DOCK1: variants seen among roughly 807,000 people sequenced by gnomAD.
DOCK1 encodes dedicator of cytokinesis 1.
A neutral mutation model predicts 262.7 loss-of-function variants in DOCK1; 138 were observed. That is an observed-to-expected ratio of 0.53 (90% CI 0.46 to 0.61). The LOEUF is 0.61. Among genes scored for constraint, DOCK1 ranks in the 20% least tolerant of loss-of-function variants. The pLI is 0.00. For synonymous variants in DOCK1, 866 were observed against 867.4 expected (o/e 1.00, Z 0.03); for missense variants, 1,908 against 2,370.7 (o/e 0.80, Z 4.05).
chr10:127,086,425 A>G (rs1291078189), intron 23 of DOCK1, among the ~76,000 whole-genome samples: 1 of 152,212 alleles, frequency 6.6e-6, no homozygotes, highest in African/African-American at 2.4e-5. Context: ...GCATGATTTT[A>G]GAAGTTACCT....
chr10:126,944,407 C>T lies in DOCK1; in HGVS notation c.47-26295C>T, dbSNP rs1480438018. Among the ~76,000 whole-genome samples the T allele has an allele frequency of 1.9e-4, 29 of 152,070 alleles. No individual in the cohort carries two copies. In the Middle Eastern group the frequency reaches 0.01, roughly 54 times the overall value. On this transcript the variant is annotated intron_variant, in intron 1 of 51. Coordinates refer to ENST00000623213, the MANE Select transcript of DOCK1 (RefSeq NM_001290223.2). ...ATGTGTGGTCTCTGAACCTTGCAAG[C>T]GGACCTGCCGAGGCAGCTGTTGGGT...
At chr10:127,036,990 A>AAAAAAAAG (rs2043673188) in intron 18 of DOCK1, among the ~76,000 whole-genome samples, 1 of 150,588 alleles carries the variant, frequency 6.6e-6, no homozygotes, top group African/African-American at 2.4e-5. Context: ...GGAAAAAAAA[A>AAAAAAAAG]AAAAAAAGAA....
At chr10:126,997,013 T>C in intron 7 of DOCK1, 130 bp downstream of exon 7, 2 of 1,083,706 alleles carry the variant, frequency 1.8e-6, no homozygotes, top group Non-Finnish European at 2.5e-6. Context: ...AGAGTTTGTG[T>C]CCTACAGTCA....
At chr10:127,011,129 T>C (rs1263415436) in intron 11 of DOCK1, among the ~76,000 whole-genome samples, 1 of 152,196 alleles carries the variant, frequency 6.6e-6, no homozygotes, top group East Asian at 1.9e-4. Context: ...GTGTAACTCT[T>C]ATGTAATTTG....
At chr10:127,426,151 G>A in intron 47 of DOCK1, 140 bp downstream of exon 47, 1 of 1,415,350 alleles carries the variant, frequency 7.1e-7, no homozygotes, top group Non-Finnish European at 9.6e-7. Flanking sequence ...AGGGAGCTCA[G>A]CCCCCTTGGG....
At chr10:127,149,837 T>A (rs992364296) in intron 27 of DOCK1, among the ~76,000 whole-genome samples, 16 of 152,200 alleles carry the variant, frequency 1.1e-4, no homozygotes, top group African/African-American at 3.6e-4. Flanking sequence ...CCCGGGGTGT[T>A]CCAGGCATCC....
rs377022701 is a variant in DOCK1, at chr10:127,261,351, G to A, written c.3044+3922G>A. On this transcript the variant is annotated intron_variant, in intron 29 of 51. Coordinates refer to ENST00000623213, the MANE Select transcript of DOCK1 (RefSeq NM_001290223.2). ...CATGTGGGTGTGCGTGTGTGTACCCGTGCTCATCTGTGTGTGTGCATGTGG... is the reference window on the plus strand; with the variant it reads ...CATGTGGGTGTGCGTGTGTGTACCCATGCTCATCTGTGTGTGTGCATGTGG... Among the ~76,000 whole-genome samples, 35 of 136,516 alleles carry A rather than the reference G, an allele frequency of 2.6e-4. No individual in the cohort carries two copies. In the East Asian group the frequency reaches 3.6e-3, roughly 14 times the overall value. 89.6% of individuals were successfully genotyped at this position (136,516 alleles called of 152,430 possible).
At chr10:127,380,435 T>G (rs1465543447) in intron 36 of DOCK1, among the ~76,000 whole-genome samples, 2 of 152,192 alleles carry the variant, frequency 1.3e-5, no homozygotes, top group Non-Finnish European at 2.9e-5. Flanking sequence ...CACATAAATT[T>G]TAATGTTTCA....
At chr10:127,290,761 T>G (rs1291009122) in intron 29 of DOCK1, among the ~76,000 whole-genome samples, 1 of 152,292 alleles carries the variant, frequency 6.6e-6, no homozygotes, top group South Asian at 2.1e-4. Context: ...ATAGCAATAG[T>G]TTGTTCCTTT....
chr10:127,052,744 G>A lies in DOCK1; in HGVS notation c.2265G>A (p.Gln755=). The change falls in exon 22 of 52, where the codon CAG becomes CAA. Residue 755 remains glutamine, a synonymous_variant. Coordinates refer to ENST00000623213, the MANE Select transcript of DOCK1 (RefSeq NM_001290223.2). Reference sequence around the variant, plus strand: ...CTGAGAAGCCGGGAGTAAATGAGCAGCTGTACAAAGCCATGAAAGCGCTAG... The same window carrying A: ...CTGAGAAGCCGGGAGTAAATGAGCAACTGTACAAAGCCATGAAAGCGCTAG... ...DGAEKPGVNE[Q]LYKAMKALES... 3.1e-6 allele frequency: 5 copies of A among 1,613,920 alleles called. No individual in the cohort carries two copies. Among genetic ancestry groups the A allele is most frequent in the Non-Finnish European group, 4.2e-6 (5 of 1,179,866 alleles).
intron 27 of DOCK1, chr10:127,145,986 C>T (rs374863716): frequency 1.9e-4 from 98 of 515,806 alleles, no homozygotes; most frequent in African/African-American, 1.8e-3. Flanking sequence ...GCCCTGGGGA[C>T]CCCGCACCCT....
intron 1 of DOCK1, among the ~76,000 whole-genome samples, chr10:126,931,662 A>G (rs1174350813): frequency 6.6e-6 from 1 of 152,084 alleles, no homozygotes; most frequent in African/African-American, 2.4e-5. Context: ...CCACATTCCC[A>G]TGTATTTCAG....
At chr10:127,090,375 G>A (rs1467433180) in intron 23 of DOCK1, among the ~76,000 whole-genome samples, 1 of 152,038 alleles carries the variant, frequency 6.6e-6, no homozygotes, top group African/African-American at 2.4e-5. Flanking sequence ...CTGCTGCAGT[G>A]TGAGTGACAG....
intron 1 of DOCK1, among the ~76,000 whole-genome samples, chr10:126,946,036 C>T (rs1316129748): frequency 6.6e-6 from 1 of 152,176 alleles, no homozygotes; most frequent in Non-Finnish European, 1.5e-5. Context: ...ACATACCATG[C>T]AGGGTATCCA....
At chr10:127,133,741 G>A (rs138224856) in intron 27 of DOCK1, among the ~76,000 whole-genome samples, 142 of 152,264 alleles carry the variant, frequency 9.3e-4, no homozygotes, top group East Asian at 3.7e-3. Context: ...TAATTTTTGC[G>A]CAACTTAAAA....
At chr10:127,337,363 G>C (rs2063246904) in intron 29 of DOCK1, among the ~76,000 whole-genome samples, 1 of 152,174 alleles carries the variant, frequency 6.6e-6, no homozygotes, top group Admixed American at 6.5e-5. Context: ...CCAAGACTGG[G>C]GGGCTGATTA....
chr10:127,022,500 C>A (rs1169330279), intron 13 of DOCK1, among the ~76,000 whole-genome samples: 1 of 151,990 alleles, frequency 6.6e-6, no homozygotes, highest in Non-Finnish European at 1.5e-5. Flanking sequence ...TCTCGGTTTG[C>A]GGCAACTTCT....
At chr10:127,441,099 T>TC (rs2070093407) in intron 49 of DOCK1, among the ~76,000 whole-genome samples, 1 of 152,236 alleles carries the variant, frequency 6.6e-6, no homozygotes, top group Non-Finnish European at 1.5e-5. Flanking sequence ...AGCTCCGTTT[T>TC]AAGATGCTAA....
intron 29 of DOCK1, among the ~76,000 whole-genome samples, chr10:127,331,110 T>C (rs2062959972): frequency 6.6e-6 from 1 of 152,164 alleles, no homozygotes; most frequent in Non-Finnish European, 1.5e-5. Context: ...CTAAAGGTGA[T>C]ATAGGAATGA....
Sources: allele counts gnomAD v4.1 joint callset (sites outside exome capture counted in the v4.1 genomes callset), GRCh38; gene constraint gnomAD v4.1.1; transcripts MANE v1.5; gene names NCBI Gene and HGNC (gene_info 2026-07-23, HGNC 2026-07-21).